The following FAF1 variants were observed in gnomAD, a reference collection of about 807,000 sequenced individuals.
FAF1 encodes Fas associated factor 1.
Under a neutral mutation model 92.5 loss-of-function variants are expected in FAF1, and 25 were observed. The observed-to-expected ratio is 0.27, with a 90% CI of 0.20 to 0.38. FAF1 has a LOEUF of 0.38. FAF1 is among the 10% of genes least tolerant of loss of function. The pLI is 1.00. For synonymous variants in FAF1, 234 were observed against 273.2 expected (o/e 0.86, Z 1.42); for missense variants, 636 against 793.3 (o/e 0.80, Z 2.38).
chr1:50,555,907 C>CAT (rs772489460), intron 13 of FAF1, among the ~76,000 whole-genome samples: 2,425 of 150,750 alleles, frequency 0.016, 31 homozygotes, highest in African/African-American at 0.035. Context: ...GGTACGTATA[C>CAT]ATATATATAT....
chr1:50,639,933 C>CAAAAAAAAAAAAAAA (rs1197342810), intron 8 of FAF1, among the ~76,000 whole-genome samples: 10 of 70,166 alleles, frequency 1.4e-4, no homozygotes, highest in African/African-American at 4.7e-4. Context: ...GACTCGATCT[C>CAAAAAAAAAAAAAAA]AAAAAAAAAA....
intron 1 of FAF1, among the ~76,000 whole-genome samples, chr1:50,874,657 C>T (rs1467357496): frequency 6.6e-6 from 1 of 152,008 alleles, no homozygotes; most frequent in African/African-American, 2.4e-5. Flanking sequence ...CCATGCACAG[C>T]CAACTGCCCT....
At chr1:50,516,197 TAC>T (rs1280477448) in intron 15 of FAF1, among the ~76,000 whole-genome samples, 1 of 152,266 alleles carries the variant, frequency 6.6e-6, no homozygotes, top group South Asian at 2.1e-4. Flanking sequence ...ACCACCAACT[TAC>T]AGTTATCTCT....
chr1:50,736,064 A>G (rs1315137565), intron 6 of FAF1, among the ~76,000 whole-genome samples: 1 of 152,174 alleles, frequency 6.6e-6, no homozygotes, highest in Non-Finnish European at 1.5e-5. Context: ...TTAATAATAT[A>G]CTGTAACTAA....
intron 1 of FAF1, among the ~76,000 whole-genome samples, chr1:50,909,768 C>A (rs1039659217): frequency 1.3e-5 from 2 of 152,138 alleles, no homozygotes; most frequent in African/African-American, 4.8e-5. Context: ...TTCTGGTTAG[C>A]CATTCGTCTA....
intron 3 of FAF1, among the ~76,000 whole-genome samples, chr1:50,796,814 A>G (rs552926395): frequency 3.5e-4 from 53 of 152,106 alleles, no homozygotes; most frequent in African/African-American, 1.3e-3. Context: ...CTGACTCCCT[A>G]TATAAAATTC....
intron 4 of FAF1, among the ~76,000 whole-genome samples, chr1:50,785,911 T>A (rs1661345030): frequency 6.6e-6 from 1 of 152,006 alleles, no homozygotes; most frequent in South Asian, 2.1e-4. Context: ...GAGGATCACT[T>A]GAGCCCAAGA....
chr1:50,597,439 C>T (rs371773045), intron 8 of FAF1, among the ~76,000 whole-genome samples: 34 of 151,550 alleles, frequency 2.2e-4, no homozygotes, highest in East Asian at 1.5e-3. Context: ...GATGATGATG[C>T]TTATATATAA....
chr1:50,530,079 A>C (rs920998472), intron 15 of FAF1, among the ~76,000 whole-genome samples: 25 of 152,104 alleles, frequency 1.6e-4, no homozygotes, highest in African/African-American at 6.0e-4. Flanking sequence ...AAATATTAGA[A>C]CTTTTATAAT....
chr1:50,468,781 A>T (rs1012010070), intron 18 of FAF1, among the ~76,000 whole-genome samples: 1 of 152,000 alleles, frequency 6.6e-6, no homozygotes, highest in Admixed American at 6.6e-5. Flanking sequence ...TTTTTAGTAG[A>T]GGCAGGGTTT....
At chr1:50,645,378 T>C (rs1451401998) in intron 8 of FAF1, among the ~76,000 whole-genome samples, 1 of 152,226 alleles carries the variant, frequency 6.6e-6, no homozygotes, top group Non-Finnish European at 1.5e-5. Context: ...GTTGAATGCC[T>C]ACTAAATGCC....
At chr1:50,653,497 C>T (rs1180414646) in intron 8 of FAF1, among the ~76,000 whole-genome samples, 1 of 152,136 alleles carries the variant, frequency 6.6e-6, no homozygotes, top group East Asian at 1.9e-4. Flanking sequence ...ATTAAAGTCA[C>T]AAGCCACCAC....
At chr1:50,709,085 T>G (rs115230564) in intron 6 of FAF1, among the ~76,000 whole-genome samples, 1 of 152,232 alleles carries the variant, frequency 6.6e-6, no homozygotes, top group Admixed American at 6.5e-5. Context: ...GGTAGATCTA[T>G]TGTACAACTA....
chr1:50,921,110 C>A (rs569856983), intron 1 of FAF1, among the ~76,000 whole-genome samples: 1 of 152,146 alleles, frequency 6.6e-6, no homozygotes, highest in South Asian at 2.1e-4. Context: ...CTGTGTCCCC[C>A]AAAAAATCAA....
chr1:50,577,016 T>G (rs1650779633), intron 12 of FAF1, among the ~76,000 whole-genome samples: 1 of 152,080 alleles, frequency 6.6e-6, no homozygotes, highest in South Asian at 2.1e-4. Flanking sequence ...ACAGGCCCCT[T>G]CATGCCTTGG....
chr1:50,926,083 G>C (rs988619834), intron 1 of FAF1, among the ~76,000 whole-genome samples: 6 of 152,130 alleles, frequency 3.9e-5, no homozygotes, highest in African/African-American at 1.2e-4. Context: ...CAGATGTGGT[G>C]ATACATGCTT....
At chr1:50,905,948 T>C (rs997149350) in intron 1 of FAF1, among the ~76,000 whole-genome samples, 1 of 152,246 alleles carries the variant, frequency 6.6e-6, no homozygotes, top group Admixed American at 6.5e-5. Context: ...CATGAAGTCC[T>C]TGCCCATGCC....
At chr1:50,715,114 T>C in intron 6 of FAF1, 1 of 346,930 alleles carries the variant, frequency 2.9e-6, no homozygotes, top group Non-Finnish European at 5.7e-6. Context: ...TCATCTACCC[T>C]CAGATATAGA....
chr1:50,831,377 C>A (rs1644151135), intron 2 of FAF1, among the ~76,000 whole-genome samples: 1 of 152,150 alleles, frequency 6.6e-6, no homozygotes, highest in Non-Finnish European at 1.5e-5. Context: ...CCCTCCAGAA[C>A]AAATATAGAA....
Sources: allele counts gnomAD v4.1 joint callset (sites outside exome capture counted in the v4.1 genomes callset), GRCh38; gene constraint gnomAD v4.1.1; transcripts MANE v1.5; gene names NCBI Gene and HGNC (gene_info 2026-07-23, HGNC 2026-07-21).